The following PLXNA4 variants were observed in gnomAD, a reference collection of about 807,000 sequenced individuals.
PLXNA4 encodes the protein plexin-A4.
A neutral mutation model predicts 191.8 loss-of-function variants in PLXNA4; 44 were observed. That is an observed-to-expected ratio of 0.23 (90% CI 0.18 to 0.29). PLXNA4 has a LOEUF of 0.29. Among genes scored for constraint, PLXNA4 ranks in the 10% least tolerant of loss-of-function variants. The probability of loss-of-function intolerance (pLI) is 1.00; values close to 1 mark genes in which losing one functional copy is unlikely to be tolerated. For missense variants in PLXNA4, 1,800 were observed against 2,488.8 expected (o/e 0.72, Z 5.89); for synonymous variants, 1,082 against 1,009.5 (o/e 1.07, Z -1.36).
chr7:132,383,905 TG>T, intron 3 of PLXNA4: 1 of 985,462 alleles, frequency 1.0e-6, no homozygotes, highest in Non-Finnish European at 1.2e-6. Context: ...CAGTTTCACA[TG>T]GAACTCCTGG....
chr7:132,600,406 C>A (rs1802794591), intron 2 of PLXNA4, among the ~76,000 whole-genome samples: 1 of 152,118 alleles, frequency 6.6e-6, no homozygotes, highest in Non-Finnish European at 1.5e-5. Context: ...CTCTGTCACC[C>A]CAGCTGGAGT....
chr7:132,270,384 C>A (rs1214564883), intron 4 of PLXNA4, among the ~76,000 whole-genome samples: 5 of 152,100 alleles, frequency 3.3e-5, no homozygotes, highest in Non-Finnish European at 7.4e-5. Flanking sequence ...TCAATATATC[C>A]CCTGAGGGCT....
chr7:132,507,374 C>A, intron 2 of PLXNA4, 132 bp downstream of exon 2: 1 of 1,014,670 alleles, frequency 9.9e-7, no homozygotes, highest in Non-Finnish European at 1.4e-6. Flanking sequence ...CAATGAGACT[C>A]AGAGATGGGA....
intron 2 of PLXNA4, among the ~76,000 whole-genome samples, chr7:132,494,010 T>C (rs551737944): frequency 2.6e-5 from 4 of 152,222 alleles, no homozygotes; most frequent in Non-Finnish European, 5.9e-5. Context: ...GAGGATTAAA[T>C]AATTTAAAAC....
At position 132,140,714 on chromosome 7, in the gene PLXNA4, C is replaced by A. The variant is rs1201763164; in HGVS notation, c.5323G>T (p.Ala1775Ser). The A allele has an allele frequency of 1.2e-6, 2 of 1,614,084 alleles. No homozygotes were observed. ...GAGCAAGAGTCCATGAAGGTCTGAG[C>A]CACCACAGAGAGGCAGGCGTCTGTG... ...SITDACLSVV[A>S]QTFMDSCSTS... Residue 1775 changes from alanine (A) to serine (S), a missense_variant, in exon 30 of 32, where the codon GCT becomes TCT. By Grantham distance (99) the Ala-to-Ser change is moderately conservative. This residue lies in a region of PLXNA4 where 101 missense variants were observed against 182.8 expected (regional missense o/e 0.55). Transcript: ENST00000321063.
At chr7:132,638,150 C>G (rs928210570) in intron 2 of PLXNA4, among the ~76,000 whole-genome samples, 12 of 152,202 alleles carry the variant, frequency 7.9e-5, no homozygotes, top group African/African-American at 2.9e-4. Context: ...CAGCCTCCTC[C>G]CTACACAGCT....
chr7:132,527,703 C>T (rs973330685), intron 1 of PLXNA4, among the ~76,000 whole-genome samples: 1 of 152,156 alleles, frequency 6.6e-6, no homozygotes, highest in Non-Finnish European at 1.5e-5. Context: ...GCTGAATTGA[C>T]ACCCGACTGC....
chr7:132,228,382 A>T lies in PLXNA4; in HGVS notation c.1692T>A (p.His564Gln), dbSNP rs777365293. ...ACTGAGAGACGGAGATATTGTTGGG[A>T]TGGACCGTCAGCCGGACACACTGCT... ...EMKQCVRLTVHPNNISVSQYN... is the reference protein window; with the variant it reads ...EMKQCVRLTVQPNNISVSQYN... The change falls in exon 6 of 32, where the codon CAT becomes CAA. Residue 564 changes from histidine to glutamine, a missense_variant. This residue lies in a region of PLXNA4 where 1,397 missense variants were observed against 1,880.4 expected (regional missense o/e 0.74). Transcript: ENST00000321063. 4 of 1,614,092 alleles carry T rather than the reference A, an allele frequency of 2.5e-6. No individual in the cohort carries two copies. Among genetic ancestry groups the T allele is most frequent in the Non-Finnish European group, 3.4e-6 (4 of 1,180,020 alleles).
chr7:132,328,610 A>G (rs1213931338), intron 3 of PLXNA4, among the ~76,000 whole-genome samples: 6 of 152,144 alleles, frequency 3.9e-5, no homozygotes, highest in African/African-American at 1.4e-4. Context: ...CGCCTTGGAG[A>G]AATAAAGGGT....
intron 9 of PLXNA4, among the ~76,000 whole-genome samples, chr7:132,221,450 T>A (rs1798142493): frequency 6.6e-6 from 1 of 152,182 alleles, no homozygotes; most frequent in Admixed American, 6.5e-5. Context: ...TTTGCAGGTT[T>A]CAGACCAGAA....
intron 1 of PLXNA4, among the ~76,000 whole-genome samples, chr7:132,557,829 C>G (rs1044190662): frequency 6.6e-6 from 1 of 152,116 alleles, no homozygotes; most frequent in Non-Finnish European, 1.5e-5. Flanking sequence ...CTTCCCACTT[C>G]CTGTAGATCC....
rs1240267618 is a variant in PLXNA4 at position 132,198,642 on chromosome 7, G to A, written c.2587-6C>T. The A allele has an allele frequency of 3.7e-6, 6 of 1,613,886 alleles. No homozygotes were observed. Among genetic ancestry groups the A allele is most frequent in the Non-Finnish European group, 5.1e-6 (6 of 1,179,950 alleles). On this transcript the variant is annotated splice_region_variant and splice_polypyrimidine_tract_variant and intron_variant, in intron 12 of 31. Coordinates refer to ENST00000321063, the MANE Select transcript of PLXNA4 (RefSeq NM_020911.2). ...GGGCCTGTCACCGGGATTATCTGGAGGGAGGAAGAGAAATAATTAGACAAA... is the reference window on the plus strand; with the variant it reads ...GGGCCTGTCACCGGGATTATCTGGAAGGAGGAAGAGAAATAATTAGACAAA...
intron 3 of PLXNA4, among the ~76,000 whole-genome samples, chr7:132,479,365 G>C (rs1295119504): frequency 3.9e-5 from 6 of 152,126 alleles, no homozygotes; most frequent in Non-Finnish European, 7.4e-5. Flanking sequence ...GAGAGCCTGT[G>C]AGGTGGGGTA....
chr7:132,318,298 C>T (rs920559877), intron 3 of PLXNA4, among the ~76,000 whole-genome samples: 1 of 152,224 alleles, frequency 6.6e-6, no homozygotes, highest in African/African-American at 2.4e-5. Flanking sequence ...CTCTGGCAGC[C>T]CCATCTGCTC....
intron 20 of PLXNA4, among the ~76,000 whole-genome samples, chr7:132,178,407 G>A (rs1172775753): frequency 1.3e-5 from 2 of 152,198 alleles, no homozygotes; most frequent in Non-Finnish European, 2.9e-5. Flanking sequence ...GAAGGAGGGA[G>A]TTGGCTTTTT....
rs945099926 is a variant in PLXNA4, at chr7:132,148,770, A to G, written c.4661-124T>C. 5.0e-5 allele frequency: 70 copies of G among 1,397,816 alleles called. No individual in the cohort carries two copies. The East Asian group carries it at 1.5e-3, about 31-fold the overall frequency. The allele number at this position is 1,397,816 out of a possible 1,614,324, so 86.6% of individuals were successfully genotyped here. ...GTGTGTCCATTGCAAGTGCTAGCACATGCTCCTGCGAAAATGGAGTGCCAA... is the reference window on the plus strand; with the variant it reads ...GTGTGTCCATTGCAAGTGCTAGCACGTGCTCCTGCGAAAATGGAGTGCCAA... On this transcript the variant is annotated intron_variant, in intron 25 of 31. Coordinates refer to ENST00000321063, the MANE Select transcript of PLXNA4 (RefSeq NM_020911.2).
intron 23 of PLXNA4, among the ~76,000 whole-genome samples, chr7:132,164,545 C>T (rs1036470585): frequency 3.3e-5 from 5 of 152,168 alleles, no homozygotes; most frequent in African/African-American, 1.2e-4. Flanking sequence ...CTCTCCAGGG[C>T]TCTTTCTTCC....
intron 3 of PLXNA4, among the ~76,000 whole-genome samples, chr7:132,455,145 C>A (rs1013704622): frequency 6.6e-6 from 1 of 152,234 alleles, no homozygotes. Flanking sequence ...TGCACTCACA[C>A]ACACTGGCAG....
At chr7:132,346,019 C>G (rs141658324) in intron 3 of PLXNA4, among the ~76,000 whole-genome samples, 299 of 152,324 alleles carry the variant, frequency 2.0e-3, no homozygotes, top group Non-Finnish European at 3.2e-3. Context: ...AGAGCTGGTA[C>G]AGCAGGCTGT....
Sources: gnomAD v4.1 joint callset for allele counts (sites outside exome capture counted in the v4.1 genomes callset) on GRCh38, gnomAD v4.1.1 for gene constraint, gnomAD v4.1.1 regional missense constraint, MANE v1.5 for transcripts, NCBI Gene and HGNC (gene_info 2026-07-23, HGNC 2026-07-21) for gene names.